The following SYT9 variants were observed in gnomAD, a reference collection of about 807,000 sequenced individuals.
SYT9 encodes synaptotagmin 9, also known as synaptotagmin-9.
Under a neutral mutation model 48.4 loss-of-function variants are expected in SYT9, and 22 were observed. The observed-to-expected ratio is 0.45, with a 90% CI of 0.32 to 0.65. The LOEUF is 0.65. Among genes scored for constraint, SYT9 ranks in the 30% least tolerant of loss-of-function variants. The pLI is 0.03. For missense variants in SYT9, 577 were observed against 622.0 expected, an observed-to-expected ratio of 0.93 and a Z score of 0.77; for synonymous variants, 265 against 245.0, an observed-to-expected ratio of 1.08 and a Z score of -0.76.
At chr11:7,406,568 A>G (rs919477826) in intron 3 of SYT9, among the ~76,000 whole-genome samples, 6 of 117,984 alleles carry the variant, frequency 5.1e-5, no homozygotes, top group South Asian at 2.7e-4. Flanking sequence ...ATATATATAT[A>G]GCACATTTTC....
At chr11:7,245,644 G>A (rs1420553413) in intron 1 of SYT9, among the ~76,000 whole-genome samples, 2 of 152,158 alleles carry the variant, frequency 1.3e-5, no homozygotes, top group South Asian at 4.1e-4. Context: ...AGTCTGGGAA[G>A]TCTAAGATCA....
At chr11:7,335,161 T>G (rs188722883) in intron 3 of SYT9, among the ~76,000 whole-genome samples, 1 of 152,352 alleles carries the variant, frequency 6.6e-6, no homozygotes, top group African/African-American at 2.4e-5. Flanking sequence ...TCTTTCATTT[T>G]AGACATTCTA....
At chr11:7,322,633 T>G (rs960193924) in intron 3 of SYT9, among the ~76,000 whole-genome samples, 1 of 152,152 alleles carries the variant, frequency 6.6e-6, no homozygotes, top group Non-Finnish European at 1.5e-5. Context: ...TTAATAGCTT[T>G]TATTCTAGTG....
At chr11:7,451,385 A>C (rs935061511) in intron 6 of SYT9, among the ~76,000 whole-genome samples, 1 of 152,126 alleles carries the variant, frequency 6.6e-6, no homozygotes, top group Non-Finnish European at 1.5e-5. Flanking sequence ...CAAAGATTTT[A>C]CTCCCCCAAA....
intron 1 of SYT9, among the ~76,000 whole-genome samples, chr11:7,298,956 G>C (rs919966810): frequency 2.0e-5 from 3 of 152,042 alleles, no homozygotes; most frequent in Non-Finnish European, 4.4e-5. Flanking sequence ...GATCAGAACT[G>C]GTTTGCCATT....
intron 3 of SYT9, among the ~76,000 whole-genome samples, chr11:7,329,328 T>A (rs1458143473): frequency 1.3e-5 from 2 of 152,230 alleles, no homozygotes; most frequent in Non-Finnish European, 2.9e-5. Flanking sequence ...TTTCTTGAAT[T>A]TCTCATTTAA....
At chr11:7,302,959 G>A in intron 1 of SYT9, 80 bp from the exon 2 acceptor site, 1 of 1,313,552 alleles carries the variant, frequency 7.6e-7, no homozygotes, top group Non-Finnish European at 1.1e-6. Context: ...GTGGATGAGA[G>A]GGTCATTCTG....
chr11:7,374,339 T>A (rs953503240), intron 3 of SYT9, among the ~76,000 whole-genome samples: 1 of 152,132 alleles, frequency 6.6e-6, no homozygotes, highest in Non-Finnish European at 1.5e-5. Context: ...ATTTGGTTGT[T>A]TCCAAGTCTT....
chr11:7,332,179 C>T (rs969193488), intron 3 of SYT9, among the ~76,000 whole-genome samples: 2 of 152,158 alleles, frequency 1.3e-5, no homozygotes, highest in Non-Finnish European at 2.9e-5. Context: ...TAAAGCCTTT[C>T]CTGAGCCTGA....
chr11:7,439,776 A>G (rs1200331849), intron 6 of SYT9: 1 of 152,210 alleles, frequency 6.6e-6, no homozygotes, highest in African/African-American at 2.4e-5. Flanking sequence ...CTTCACCCCT[A>G]ATATCTGTTG....
chr11:7,369,824 A>ACACACAC (rs1850329369), intron 3 of SYT9, among the ~76,000 whole-genome samples: 3 of 109,940 alleles, frequency 2.7e-5, no homozygotes, highest in African/African-American at 1.1e-4. Flanking sequence ...CACACACACA[A>ACACACAC]AGACATCACA....
At chr11:7,449,871 G>A (rs564864207) in intron 6 of SYT9, among the ~76,000 whole-genome samples, 9 of 152,030 alleles carry the variant, frequency 5.9e-5, no homozygotes, top group Admixed American at 5.2e-4. Flanking sequence ...GGTCTGGTGG[G>A]CCCCTGCTCT....
chr11:7,411,648 C>G (rs1016584396), intron 3 of SYT9, among the ~76,000 whole-genome samples: 1 of 152,038 alleles, frequency 6.6e-6, no homozygotes, highest in Admixed American at 6.5e-5. Flanking sequence ...GTTGGAATCC[C>G]CTCTTTATCT....
chr11:7,415,514 G>T (rs1468741459), intron 3 of SYT9, among the ~76,000 whole-genome samples: 1 of 152,092 alleles, frequency 6.6e-6, no homozygotes, highest in Non-Finnish European at 1.5e-5. Context: ...AGTGTGTGGG[G>T]TGGTGTGGAA....
rs530614676 is a variant in SYT9, at chr11:7,360,282, G to C, written c.1044+46341G>C. On this transcript the variant is annotated intron_variant, in intron 3 of 6. Transcript: ENST00000318881. Reference sequence around the variant, plus strand: ...TTGTAGTATAGTTTGAAGTCAGGTAGTGTGATGCCTCCAGCTTTGTTCTTT... The same window carrying C: ...TTGTAGTATAGTTTGAAGTCAGGTACTGTGATGCCTCCAGCTTTGTTCTTT... Among the ~76,000 whole-genome samples the C allele has an allele frequency of 2.8e-3, 432 of 152,288 alleles. 6 individuals are homozygous for C. Among genetic ancestry groups the C allele is most frequent in the African/African-American group, 0.01 (422 of 41,560 alleles).
In SYT9 at chr11:7,466,998, C is replaced by A; in HGVS notation, c.*198C>A. 1 of 625,416 alleles carries A rather than the reference C, an allele frequency of 1.6e-6. No individual in the cohort carries two copies. The allele number at this position is 625,416 out of a possible 1,614,324, so 38.7% of individuals were successfully genotyped here. Reference sequence around the variant, plus strand: ...TGGTCCAGCCACCTTCTGCAGGTGGCCCAAGGTGATGTGCTGCAGGGAAGC... The same window carrying A: ...TGGTCCAGCCACCTTCTGCAGGTGGACCAAGGTGATGTGCTGCAGGGAAGC... On this transcript the variant is annotated 3_prime_UTR_variant, in exon 7 of 7. Coordinates refer to ENST00000318881, the MANE Select transcript of SYT9 (RefSeq NM_175733.4).
upstream of SYT9, among the ~76,000 whole-genome samples, chr11:7,251,507 G>T (rs185761011): frequency 6.6e-6 from 1 of 152,284 alleles, no homozygotes; most frequent in African/African-American, 2.4e-5. Flanking sequence ...ACACCCATAG[G>T]CCCATGGTTC....
At chr11:7,251,099 GACACACACACACACACACAC>G (rs369736479), upstream of SYT9, among the ~76,000 whole-genome samples, 2 of 131,900 alleles carry the variant, frequency 1.5e-5, no homozygotes, top group Non-Finnish European at 3.4e-5. Flanking sequence ...GTGGCACAGT[GACACACACACACACACACAC>G]ACACACACAC....
At chr11:7,322,330 G>T (rs897567881) in intron 3 of SYT9, among the ~76,000 whole-genome samples, 4 of 152,146 alleles carry the variant, frequency 2.6e-5, no homozygotes, top group Admixed American at 2.0e-4. Flanking sequence ...CTGATCCTAA[G>T]GGACAAGCAA....
Sources: gnomAD v4.1 joint callset for allele counts (sites outside exome capture counted in the v4.1 genomes callset) on GRCh38, gnomAD v4.1.1 for gene constraint, MANE v1.5 for transcripts, NCBI Gene and HGNC (gene_info 2026-07-23, HGNC 2026-07-21) for gene names.